The following CLCN4 variants were observed in gnomAD, a reference collection of about 807,000 sequenced individuals.
The protein encoded by CLCN4 is Cl-/H+ antiporter 4, also known as H(+)/Cl(-) exchange transporter 4.
A neutral mutation model predicts 41.7 loss-of-function variants in CLCN4; 1 was observed. That is an observed-to-expected ratio of 0.02 (90% confidence interval 0.01 to 0.11). CLCN4 has a LOEUF of 0.11. Ranked by LOEUF, CLCN4 falls within the 10% of genes least tolerant of loss-of-function variation. The probability of loss-of-function intolerance (pLI) is 1.00; values close to 1 mark genes in which losing one functional copy is unlikely to be tolerated. For synonymous variants in CLCN4, 277 were observed against 285.8 expected (o/e 0.97, Z 0.31); for missense variants, 287 against 661.0 (o/e 0.43, Z 6.20).
intron 2 of CLCN4, among the ~76,000 whole-genome samples, chrX:10,158,873 A>C (rs1355423676): frequency 8.8e-6 from 1 of 113,528 alleles, no homozygotes; most frequent in Non-Finnish European, 1.9e-5. Flanking sequence ...ACCACACTGC[A>C]TGCATTCTAA....
intron 2 of CLCN4, among the ~76,000 whole-genome samples, chrX:10,166,820 C>A (rs1200606616): frequency 1.8e-5 from 2 of 112,032 alleles, no homozygotes; most frequent in Non-Finnish European, 3.8e-5. Flanking sequence ...ACAGCCCAGC[C>A]CTCCTGTCCC....
At chrX:10,159,458 T>G (rs1287558567) in intron 2 of CLCN4, among the ~76,000 whole-genome samples, 2 of 110,293 alleles carry the variant, frequency 1.8e-5, no homozygotes, top group Non-Finnish European at 3.8e-5. Flanking sequence ...AGCGTTTACA[T>G]GCCTTTCTCG....
chrX:10,200,295 T>G (rs1924208291), intron 6 of CLCN4, among the ~76,000 whole-genome samples: 1 of 112,763 alleles, frequency 8.9e-6, no homozygotes, highest in South Asian at 3.6e-4. Context: ...AGTGCTAGGA[T>G]TACAGGAGTG....
chrX:10,198,139 T>C, intron 6 of CLCN4, 78 bp downstream of exon 6: 1 of 991,503 alleles, frequency 1.0e-6, no homozygotes, highest in East Asian at 3.1e-5. Context: ...CCAAGCACAG[T>C]TCCAAGCGTT....
At chrX:10,219,458 G>T (rs1366541542) in intron 11 of CLCN4, among the ~76,000 whole-genome samples, 1 of 112,252 alleles carries the variant, frequency 8.9e-6, no homozygotes, top group Admixed American at 9.5e-5. Context: ...TTGTGCCTCA[G>T]AGTCGTCTGG....
intron 11 of CLCN4, among the ~76,000 whole-genome samples, chrX:10,216,476 T>C (rs768811752): frequency 2.7e-5 from 3 of 111,161 alleles, no homozygotes; most frequent in African/African-American, 3.3e-5. Flanking sequence ...GCTCAGGTGC[T>C]TCTTGTCTTG....
At chrX:10,169,640 T>C (rs1368080449) in intron 2 of CLCN4, among the ~76,000 whole-genome samples, 5 of 111,792 alleles carry the variant, frequency 4.5e-5, no homozygotes, top group Admixed American at 2.8e-4. Context: ...TTGCTACAAA[T>C]TATAAAACTG....
chrX:10,206,852 G>T, intron 8 of CLCN4, 76 bp downstream of exon 8: 1 of 707,438 alleles, frequency 1.4e-6, no homozygotes, highest in Admixed American at 3.3e-5. Context: ...AAGAAGTATT[G>T]GATAAGATTC....
intron 12 of CLCN4, among the ~76,000 whole-genome samples, chrX:10,221,947 TG>T (rs1334550418): frequency 1.8e-5 from 2 of 112,427 alleles, no homozygotes; most frequent in Non-Finnish European, 3.8e-5. Flanking sequence ...CCGATCCCAC[TG>T]GGTTCAGCTG....
Position 10,208,372 on chromosome X carries a change from C to A in CLCN4, c.1171C>A (p.Arg391Ser), listed in dbSNP as rs371136650. ...AIIAYPNPYT[R>S]QSTSELISEL... ...CATTGCCTACCCCAATCCCTACACACGCCAGAGCACCAGCGAGCTCATTTC... is the reference window on the plus strand; with the variant it reads ...CATTGCCTACCCCAATCCCTACACAAGCCAGAGCACCAGCGAGCTCATTTC... The change falls in exon 9 of 13, where the codon CGC (arginine) becomes AGC (serine). Residue 391 changes from arginine (R) to serine (S), a missense_variant. Physicochemically the swap from Arg to Ser is moderately radical, Grantham distance 110. Around this residue, in one of 6 missense-constraint regions of CLCN4, gnomAD observed 94 missense variants for 177.9 expected, o/e 0.53. Coordinates refer to ENST00000380833, the MANE Select transcript of CLCN4 (RefSeq NM_001830.4). 2.5e-6 allele frequency: 3 copies of A among 1,211,144 alleles called. No individual in the cohort carries two copies. Among genetic ancestry groups the A allele is most frequent in the Non-Finnish European group, 3.4e-6 (3 of 895,218 alleles).
In CLCN4 at chrX:10,161,335, G is replaced by A. The variant is rs1923096164; in HGVS notation, c.-12+2784G>A. 1.8e-5 allele frequency among the ~76,000 whole-genome samples: 2 copies of A among 111,658 alleles called. 1 individual carries two copies. The highest frequency in any genetic ancestry group is 1.9e-4 in the Admixed American group (2 of 10,572). On this transcript the variant is annotated intron_variant, in intron 2 of 12. Coordinates refer to ENST00000380833, the MANE Select transcript of CLCN4 (RefSeq NM_001830.4). The stretch of plus-strand genomic sequence containing the variant: ...ACTGTCCTCACAGGCTTCAGTCCAC[G>A]GACATCCCAGGGCAGGCCTGTCACG...
At chrX:10,178,107 A>T (rs1422902832) in intron 2 of CLCN4, among the ~76,000 whole-genome samples, 2 of 109,051 alleles carry the variant, frequency 1.8e-5, no homozygotes, top group African/African-American at 6.7e-5. Flanking sequence ...AACGCATAGG[A>T]TGGAAAGTAT....
intron 6 of CLCN4, among the ~76,000 whole-genome samples, chrX:10,202,247 G>A (rs1055400553): frequency 9.0e-6 from 1 of 111,400 alleles, no homozygotes; most frequent in Non-Finnish European, 1.9e-5. Flanking sequence ...GCTGAGCTGG[G>A]TGGATCACTT....
chrX:10,231,307 A>C (rs1486649102), intron 12 of CLCN4, among the ~76,000 whole-genome samples: 4 of 112,038 alleles, frequency 3.6e-5, no homozygotes, highest in Non-Finnish European at 5.6e-5. Flanking sequence ...TGAATGAAGC[A>C]GACGTCTTCT....
chrX:10,178,397 C>T (rs1206962284), intron 2 of CLCN4, among the ~76,000 whole-genome samples: 1 of 111,647 alleles, frequency 9.0e-6, no homozygotes, highest in Non-Finnish European at 1.9e-5. Flanking sequence ...ATCCATTCTT[C>T]CTGCTACTCC....
At position 10,236,450 on chromosome X, in the gene CLCN4, A is replaced by ATGAGGAGTCTGCAGT. The variant is rs1431845975; in HGVS notation, c.*2867_*2881dup. On this transcript the variant is annotated 3_prime_UTR_variant, in exon 13 of 13. Coordinates refer to ENST00000380833, the MANE Select transcript of CLCN4 (RefSeq NM_001830.4). Reference sequence around the variant, plus strand: ...TTGGACAGGTGGACTAAGGTCAAGGATGAGGAGTCTGCAGTGGGGACTACC... The same window carrying ATGAGGAGTCTGCAGT: ...TTGGACAGGTGGACTAAGGTCAAGGATGAGGAGTCTGCAGTTGAGGAGTCTGCAGTGGGGACTACC... 8.9e-6 allele frequency: 1 copy of ATGAGGAGTCTGCAGT among 112,241 alleles called. No homozygotes were observed. Among genetic ancestry groups the ATGAGGAGTCTGCAGT allele is most frequent in the Non-Finnish European group, 1.9e-5 (1 of 53,228 alleles). The allele number at this position is 112,241 out of a possible 1,213,427, so 9.2% of individuals were successfully genotyped here.
intron 2 of CLCN4, among the ~76,000 whole-genome samples, chrX:10,165,092 C>CAG (rs1477397622): frequency 8.9e-6 from 1 of 112,983 alleles, no homozygotes; most frequent in Non-Finnish European, 1.9e-5. Flanking sequence ...CTGCGGGATG[C>CAG]AGTGGCCTGC....
At position 10,212,837 on chromosome X, in the gene CLCN4, G is replaced by GCACACACACACACACA. The variant is rs199932119; in HGVS notation, c.1576+186_1576+187insCACACACACACACACA. Among the ~76,000 whole-genome samples the GCACACACACACACACA allele has an allele frequency of 5.3e-3, 565 of 106,573 alleles. 8 individuals are homozygous for GCACACACACACACACA. Among genetic ancestry groups the GCACACACACACACACA allele is most frequent in the African/African-American group, 0.016 (463 of 28,581 alleles). The allele number at this position is 106,573 out of a possible 115,157, so 92.5% of individuals were successfully genotyped here. ...ACCAAGGCTATGTCTCGCTCACTATGCAGACACACACACACACACACAAAC... is the reference window on the plus strand; with the variant it reads ...ACCAAGGCTATGTCTCGCTCACTATGCACACACACACACACACAGACACACACACACACACACAAAC... On this transcript the variant is annotated intron_variant, in intron 10 of 12. Transcript: ENST00000380833.
intron 2 of CLCN4, among the ~76,000 whole-genome samples, chrX:10,169,061 C>T (rs1240603663): frequency 2.7e-5 from 3 of 110,726 alleles, no homozygotes; most frequent in Non-Finnish European, 5.7e-5. Flanking sequence ...TTATGCTATG[C>T]CTTGGTGTAG....
Sources: allele counts gnomAD v4.1 joint callset (sites outside exome capture counted in the v4.1 genomes callset), GRCh38; gene constraint gnomAD v4.1.1; regional missense constraint gnomAD v4.1.1; transcripts MANE v1.5; gene names NCBI Gene and HGNC (gene_info 2026-07-23, HGNC 2026-07-21).